The following MSRB3 variants were observed in gnomAD, a reference collection of about 807,000 sequenced individuals.
MSRB3 encodes the protein methionine sulfoxide reductase B3.
Under a neutral mutation model 21.0 loss-of-function variants are expected in MSRB3, and 13 were observed. The observed-to-expected ratio is 0.62, with a 90% CI of 0.40 to 0.98. MSRB3 has a LOEUF of 0.98. Among genes scored for constraint, MSRB3 ranks in the 50% least tolerant of loss-of-function variants. The pLI, the probability that MSRB3 is intolerant of heterozygous loss-of-function variation, is 0.00. For synonymous variants in MSRB3, 87 were observed against 88.6 expected, an observed-to-expected ratio of 0.98 and a Z score of 0.10; for missense variants, 199 against 230.3, an observed-to-expected ratio of 0.86 and a Z score of 0.88.
chr12:65,415,947 G>C (rs531671477), intron 5 of MSRB3, among the ~76,000 whole-genome samples: 8 of 152,306 alleles, frequency 5.3e-5, no homozygotes, highest in Admixed American at 4.6e-4. Flanking sequence ...CTGGCCACCA[G>C]ATCAAAGTCC....
chr12:65,291,745 G>A (rs1872677413), intron 1 of MSRB3, among the ~76,000 whole-genome samples: 1 of 152,170 alleles, frequency 6.6e-6, no homozygotes, highest in South Asian at 2.1e-4. Context: ...AGACTATTTT[G>A]TGGTAGGAGC....
At chr12:65,370,756 T>A (rs975169458) in intron 5 of MSRB3, among the ~76,000 whole-genome samples, 2 of 152,088 alleles carry the variant, frequency 1.3e-5, no homozygotes, top group Non-Finnish European at 2.9e-5. Context: ...AGTTCTTATT[T>A]AAAAAAAATC....
intron 4 of MSRB3, among the ~76,000 whole-genome samples, chr12:65,339,525 G>T (rs1876002946): frequency 6.6e-6 from 1 of 152,178 alleles, no homozygotes; most frequent in Non-Finnish European, 1.5e-5. Flanking sequence ...ACTAAATGTG[G>T]GGTTGGGAAG....
chr12:65,388,777 G>A (rs572179855), intron 5 of MSRB3, among the ~76,000 whole-genome samples: 1 of 152,186 alleles, frequency 6.6e-6, no homozygotes, highest in African/African-American at 2.4e-5. Context: ...AGGCTGAGGT[G>A]GGAGGATCAC....
intron 5 of MSRB3, among the ~76,000 whole-genome samples, chr12:65,392,232 T>A (rs1250618865): frequency 6.6e-6 from 1 of 152,168 alleles, no homozygotes; most frequent in Non-Finnish European, 1.5e-5. Context: ...CCCTAGATTA[T>A]TCTAATGCAC....
At chr12:65,455,444 G>A (rs564217677) in intron 6 of MSRB3, among the ~76,000 whole-genome samples, 1 of 152,170 alleles carries the variant, frequency 6.6e-6, no homozygotes, top group Non-Finnish European at 1.5e-5. Flanking sequence ...TAATTGGACA[G>A]GTTTAGTGTG....
At chr12:65,458,577 C>G (rs190883941) in intron 6 of MSRB3, among the ~76,000 whole-genome samples, 1 of 152,086 alleles carries the variant, frequency 6.6e-6, no homozygotes, top group Admixed American at 6.5e-5. Flanking sequence ...AAGCAAGGGT[C>G]GGAGAGATTC....
At chr12:65,310,322 A>G (rs958594067) in intron 2 of MSRB3, among the ~76,000 whole-genome samples, 6 of 152,120 alleles carry the variant, frequency 3.9e-5, no homozygotes, top group Non-Finnish European at 8.8e-5. Context: ...TGTGGCCATT[A>G]CAGTGGAGTT....
At chr12:65,444,768 T>A (rs1234562808) in intron 5 of MSRB3, among the ~76,000 whole-genome samples, 2 of 152,196 alleles carry the variant, frequency 1.3e-5, no homozygotes, top group Non-Finnish European at 2.9e-5. Context: ...GTGACTGCTG[T>A]CTGTCCTCCA....
At chr12:65,409,940 A>G (rs1315061985) in intron 5 of MSRB3, among the ~76,000 whole-genome samples, 1 of 152,104 alleles carries the variant, frequency 6.6e-6, no homozygotes, top group East Asian at 1.9e-4. Flanking sequence ...TTTCCAGAAA[A>G]TTTGTGCTGA....
At chr12:65,302,864 A>G (rs975574077) in intron 1 of MSRB3, among the ~76,000 whole-genome samples, 1 of 152,158 alleles carries the variant, frequency 6.6e-6, no homozygotes, top group Non-Finnish European at 1.5e-5. Flanking sequence ...TTCTGTTTAT[A>G]ATAAGATGAA....
At chr12:65,355,217 A>G (rs1402221320) in intron 4 of MSRB3, among the ~76,000 whole-genome samples, 2 of 151,852 alleles carry the variant, frequency 1.3e-5, no homozygotes, top group African/African-American at 2.4e-5. Context: ...AGTTTTCAGT[A>G]TTCCGTTTTT....
intron 5 of MSRB3, chr12:65,419,652 G>T: frequency 1.4e-6 from 1 of 711,404 alleles, no homozygotes; most frequent in South Asian, 1.4e-5. Flanking sequence ...CCCAGTCTCT[G>T]ACCTGGGGTC....
At chr12:65,309,826 G>A (rs1873882377) in intron 2 of MSRB3, among the ~76,000 whole-genome samples, 2 of 152,274 alleles carry the variant, frequency 1.3e-5, no homozygotes, top group African/African-American at 4.8e-5. Context: ...AGCAAGGCAT[G>A]TTCAGAGAAA....
At chr12:65,448,516 T>G (rs1407820121) in intron 5 of MSRB3, among the ~76,000 whole-genome samples, 1 of 152,104 alleles carries the variant, frequency 6.6e-6, no homozygotes, top group East Asian at 1.9e-4. Context: ...AGAAATGAAT[T>G]TATAATGTCT....
intron 5 of MSRB3, among the ~76,000 whole-genome samples, chr12:65,390,106 CT>C (rs1483616947): frequency 6.6e-6 from 1 of 152,170 alleles, no homozygotes; most frequent in African/African-American, 2.4e-5. Context: ...GAGATGTCCT[CT>C]TTTCTAGTTC....
chr12:65,428,787 T>A (rs2136659022), intron 5 of MSRB3, among the ~76,000 whole-genome samples: 1 of 152,320 alleles, frequency 6.6e-6, no homozygotes, highest in African/African-American at 2.4e-5. Flanking sequence ...CTTTAGCAAT[T>A]GGTATTTTAG....
At chr12:65,403,463 G>A (rs981906144) in intron 5 of MSRB3, among the ~76,000 whole-genome samples, 1 of 152,148 alleles carries the variant, frequency 6.6e-6, no homozygotes, top group Non-Finnish European at 1.5e-5. Context: ...CCCCCACCAA[G>A]CTCAAGCTTC....
At chr12:65,305,838 G>A (rs1873622050) in intron 1 of MSRB3, among the ~76,000 whole-genome samples, 1 of 152,112 alleles carries the variant, frequency 6.6e-6, no homozygotes, top group African/African-American at 2.4e-5. Flanking sequence ...GGATTCTTTG[G>A]AGAATAGCTT....
Sources: gnomAD v4.1 joint callset for allele counts (sites outside exome capture counted in the v4.1 genomes callset) on GRCh38, gnomAD v4.1.1 for gene constraint, MANE v1.5 for transcripts, NCBI Gene and HGNC (gene_info 2026-07-23, HGNC 2026-07-21) for gene names.